ABHD2: variants seen among roughly 807,000 people sequenced by gnomAD.
ABHD2 encodes abhydrolase domain containing 2, acylglycerol lipase, also known as monoacylglycerol lipase ABHD2.
ABHD2 carries 20 observed loss-of-function variants against 48.1 expected under a neutral mutation model. That is an observed-to-expected ratio of 0.42 (90% CI 0.29 to 0.60). The LOEUF (loss-of-function observed/expected upper bound fraction) is 0.60, where lower values mean the gene tolerates loss of function less well. ABHD2 is among the 20% of genes least tolerant of loss of function. The pLI, the probability that ABHD2 is intolerant of heterozygous loss-of-function variation, is 0.24. For synonymous variants in ABHD2, 209 were observed against 214.2 expected (o/e 0.98, Z 0.21); for missense variants, 405 against 550.9 (o/e 0.74, Z 2.65).
At chr15:89,050,140 G>A in the ABHD2 span, among the ~76,000 whole-genome samples, 4 of 152,336 alleles carry the variant, frequency 2.6e-5, no homozygotes, top group East Asian at 5.8e-4. Flanking sequence ...CCAGGGCAGA[G>A]GGGCTATGAG....
intron 4 of ABHD2, among the ~76,000 whole-genome samples, chr15:89,152,174 C>T (rs1214872538): frequency 6.6e-6 from 1 of 151,696 alleles, no homozygotes; most frequent in Non-Finnish European, 1.5e-5. Flanking sequence ...CTCCCAGGTT[C>T]ACTCCATTCG....
In ABHD2 at chr15:89,091,106, C is replaced by T. The variant is rs770189695; in HGVS notation, c.-107+2543C>T. 6.6e-6 allele frequency among the ~76,000 whole-genome samples: 1 copy of T among 152,126 alleles called. No individual in the cohort carries two copies. The highest frequency in any genetic ancestry group is 2.4e-5 in the African/African-American group (1 of 41,414). ...TTTTTCCTCTCATTTTAGTCAGGGT[C>T]GTTCACTTTTTTCCCTTTTTACTCT... On this transcript the variant is annotated intron_variant, in intron 1 of 10. Transcript: ENST00000352732. The surrounding 1 kb of genome is among the most constrained non-coding windows in gnomAD (Gnocchi z 5.5).
the ABHD2 span, among the ~76,000 whole-genome samples, chr15:89,073,931 C>T: frequency 2.0e-5 from 3 of 152,114 alleles, no homozygotes; most frequent in East Asian, 1.9e-4. Context: ...CAGGTGTTTC[C>T]GATGCTGCTG....
chr15:89,193,666 G>C (rs565074126), intron 10 of ABHD2, among the ~76,000 whole-genome samples: 65 of 152,236 alleles, frequency 4.3e-4, no homozygotes, highest in Admixed American at 4.3e-3. Flanking sequence ...TTTAAAATTC[G>C]AGACTAGGTG....
chr15:89,048,259 G>A, the ABHD2 span, among the ~76,000 whole-genome samples: 23 of 152,142 alleles, frequency 1.5e-4, no homozygotes, highest in African/African-American at 3.9e-4. Flanking sequence ...AGTTTCTGCC[G>A]AGAGATCCGC....
chr15:89,074,410 C>T, the ABHD2 span, among the ~76,000 whole-genome samples: 2 of 151,226 alleles, frequency 1.3e-5, no homozygotes, highest in Non-Finnish European at 2.9e-5. Flanking sequence ...AGATCTTAAA[C>T]AATTCTGATG....
chr15:89,183,913 G>A (rs2051162386), intron 6 of ABHD2, among the ~76,000 whole-genome samples: 1 of 152,202 alleles, frequency 6.6e-6, no homozygotes, highest in Admixed American at 6.5e-5. Context: ...AGAGGCAGCT[G>A]GTTGTGGCTC....
At chr15:89,096,760 A>G (rs532111033) in intron 1 of ABHD2, among the ~76,000 whole-genome samples, 1 of 152,358 alleles carries the variant, frequency 6.6e-6, no homozygotes, top group Non-Finnish European at 1.5e-5. Flanking sequence ...GGTTTGGGAA[A>G]GACACTTTAC....
rs1397897653 is a variant in ABHD2, at chr15:89,195,439, G to A, written c.*16G>A. 1 of 1,610,048 alleles carries A rather than the reference G, an allele frequency of 6.2e-7. No individual in the cohort carries two copies. The highest frequency in any genetic ancestry group is 1.3e-5 in the African/African-American group (1 of 74,870). The stretch of plus-strand genomic sequence containing the variant: ...CCTGGAGTGAGGCCTCCGGACTCTG[G>A]CACGCTCCAGCAGCCCTCCTCTGGA... On this transcript the variant is annotated 3_prime_UTR_variant, in exon 11 of 11. Transcript: ENST00000352732. The surrounding 1 kb of genome is among the most constrained non-coding windows in gnomAD (Gnocchi z 5.1).
intron 1 of ABHD2, 134 bp from the exon 2 acceptor site, chr15:89,113,589 AGT>A (rs2049909695): frequency 6.6e-6 from 1 of 152,230 alleles, no homozygotes; most frequent in Non-Finnish European, 1.5e-5. Context: ...AACATTCAAG[AGT>A]GTGGCATACA....
rs1358638187 is a variant in ABHD2 at position 89,151,786 on chromosome 15, A to T, written c.304A>T (p.Thr102Ser). 6.2e-7 allele frequency: 1 copy of T among 1,614,208 alleles called. No homozygotes were observed. Among genetic ancestry groups the T allele is most frequent in the South Asian group, 1.1e-5 (1 of 91,086 alleles). Reference protein sequence around the residue: ...PHPYGHRKFITMSDGATSTFD... With the variant: ...PHPYGHRKFISMSDGATSTFD... ...TCCTTATGGGCACCGGAAGTTCATC[A>T]CTATGTCTGATGGAGCCACTTCTAC... The change falls in exon 4 of 11, where the codon ACT becomes TCT. Residue 102 changes from threonine to serine, a missense_variant. Transcript: ENST00000352732. The surrounding 1 kb of genome is among the most constrained non-coding windows in gnomAD (Gnocchi z 4.7).
At position 89,197,582 on chromosome 15, in the gene ABHD2, G is replaced by C. The variant is rs1177633798; in HGVS notation, c.*2159G>C. 6.6e-6 allele frequency: 1 copy of C among 152,284 alleles called. No individual in the cohort carries two copies. Among genetic ancestry groups the C allele is most frequent in the African/African-American group, 2.4e-5 (1 of 41,448 alleles). The allele number at this position is 152,284 out of a possible 1,614,324, so 9.4% of individuals were successfully genotyped here. A position where few individuals can be genotyped will look rare whatever the true frequency, so the allele number is the denominator to read the frequency against. On this transcript the variant is annotated 3_prime_UTR_variant, in exon 11 of 11. Coordinates refer to ENST00000352732, the MANE Select transcript of ABHD2 (RefSeq NM_152924.5). This position sits in a 1 kb window ranked among gnomAD's most constrained non-coding sequence, Gnocchi z 4.4. ...AGCGAGAGGCTCCTTTCATATGCCT[G>C]AGGCCACACCCCTTAACCTGTTCTG...
chr15:89,056,526 C>T, the ABHD2 span, among the ~76,000 whole-genome samples: 1 of 152,046 alleles, frequency 6.6e-6, no homozygotes, highest in Non-Finnish European at 1.5e-5. Context: ...GCCTGTGGTC[C>T]CAGCTACTCA....
upstream of ABHD2, among the ~76,000 whole-genome samples, chr15:89,085,239 A>G (rs1901332114): frequency 6.6e-6 from 1 of 151,982 alleles, no homozygotes; most frequent in South Asian, 2.1e-4. This position sits in a 1 kb window ranked among gnomAD's most constrained non-coding sequence, Gnocchi z 4.2. Flanking sequence ...CTTTTTTATT[A>G]CAAGGTACTG....
chr15:89,096,368 T>G (rs2049613446), intron 1 of ABHD2, among the ~76,000 whole-genome samples: 2 of 152,270 alleles, frequency 1.3e-5, no homozygotes, highest in African/African-American at 4.8e-5. Context: ...TTGTGCATTT[T>G]AAGAAATAAT....
Position 89,095,483 on chromosome 15 carries a change from C to T in ABHD2, c.-107+6920C>T, listed in dbSNP as rs578032189. 3.3e-5 allele frequency among the ~76,000 whole-genome samples: 5 copies of T among 152,276 alleles called. No homozygotes were observed. In the South Asian group the frequency reaches 6.2e-4, roughly 19 times the overall value. ...TGGATTTGTCATGTTTGAAGTGCCA[C>T]GTTTTAGTTCTTAAGGACTGAGGAG... On this transcript the variant is annotated intron_variant, in intron 1 of 10. Transcript: ENST00000352732.
the ABHD2 span, among the ~76,000 whole-genome samples, chr15:89,072,552 AGGAGGGGGAGAGGAAGG>A: frequency 4.7e-5 from 5 of 107,240 alleles, no homozygotes; most frequent in Middle Eastern, 5.3e-3. Flanking sequence ...AAGGATGAGC[AGGAGGGGGAGAGGAAGG>A]GGAAGGGGAG....
the ABHD2 span, among the ~76,000 whole-genome samples, chr15:89,061,625 T>G: frequency 6.6e-6 from 1 of 151,870 alleles, no homozygotes; most frequent in African/African-American, 2.4e-5. Flanking sequence ...CAGACTGGAG[T>G]GCAGTGGCAC....
At chr15:89,149,452 C>CT (rs2150883720) in intron 3 of ABHD2, among the ~76,000 whole-genome samples, 2 of 152,218 alleles carry the variant, frequency 1.3e-5, no homozygotes, top group South Asian at 4.1e-4. Context: ...TGAAGCAAAT[C>CT]TCCCCCAGGT....
Sources: gnomAD v4.1 joint callset for allele counts (sites outside exome capture counted in the v4.1 genomes callset) on GRCh38, gnomAD v4.1.1 for gene constraint, Gnocchi (gnomAD v3.1) non-coding constraint, MANE v1.5 for transcripts, NCBI Gene and HGNC (gene_info 2026-07-23, HGNC 2026-07-21) for gene names.